Variants in ARSG observed in about 807,000 individuals in gnomAD.
ARSG encodes the protein ASG.
ARSG carries 37 observed loss-of-function variants against 50.5 expected under a neutral mutation model. That is an observed-to-expected ratio of 0.73 (90% CI 0.56 to 0.96). The LOEUF is 0.96. ARSG is among the 50% of genes least tolerant of loss of function. The probability of loss-of-function intolerance (pLI) is 0.00; values close to 1 mark genes in which losing one functional copy is unlikely to be tolerated. For missense variants in ARSG, 629 were observed against 675.3 expected (o/e 0.93, Z 0.76); for synonymous variants, 225 against 254.6 (o/e 0.88, Z 1.11).
At chr17:68,415,381 G>C (rs1417267928) in intron 11 of ARSG, among the ~76,000 whole-genome samples, 2 of 152,176 alleles carry the variant, frequency 1.3e-5, no homozygotes, top group Admixed American at 6.5e-5. Flanking sequence ...TGGTCTGAGA[G>C]AGTGCTTGAT....
At chr17:68,376,690 A>AT (rs139386857) in intron 8 of ARSG, among the ~76,000 whole-genome samples, 3,351 of 151,450 alleles carry the variant, frequency 0.022, 125 homozygotes, top group African/African-American at 0.076. Context: ...ATACTATTCA[A>AT]TTTTTTTTTA....
At chr17:68,292,377 C>A (rs1365295181) in intron 1 of ARSG, among the ~76,000 whole-genome samples, 7 of 152,184 alleles carry the variant, frequency 4.6e-5, no homozygotes, top group African/African-American at 1.7e-4. Flanking sequence ...GTGAACTAAG[C>A]GGATGATGCA....
intron 1 of ARSG, among the ~76,000 whole-genome samples, chr17:68,283,900 C>T (rs1429060869): frequency 3.7e-5 from 4 of 107,002 alleles, no homozygotes; most frequent in Non-Finnish European, 8.3e-5. Context: ...AAAAAAAAGA[C>T]CAGCCTGGCC....
At chr17:68,402,853 A>T (rs546482678) in intron 11 of ARSG, among the ~76,000 whole-genome samples, 1 of 152,098 alleles carries the variant, frequency 6.6e-6, no homozygotes, top group Non-Finnish European at 1.5e-5. Flanking sequence ...AAGCTTTCTA[A>T]ATTTGGAACT....
chr17:68,298,282 T>G (rs2076280912), intron 1 of ARSG, among the ~76,000 whole-genome samples: 1 of 152,016 alleles, frequency 6.6e-6, no homozygotes, highest in South Asian at 2.1e-4. Context: ...GAATCTGTCT[T>G]GGGGTGCTCA....
chr17:68,344,474 GC>G (rs1297537666), intron 3 of ARSG, among the ~76,000 whole-genome samples: 7 of 152,308 alleles, frequency 4.6e-5, no homozygotes, highest in African/African-American at 1.7e-4. Flanking sequence ...ATTTTTTTAG[GC>G]ATCTCTTACT....
upstream of ARSG, among the ~76,000 whole-genome samples, chr17:68,288,030 T>C (rs1555754776): frequency 6.7e-6 from 1 of 149,522 alleles, no homozygotes; most frequent in African/African-American, 2.5e-5. Flanking sequence ...GGAGTCTCAG[T>C]CTGTCTCCCA....
chr17:68,338,011 C>A (rs923124144), intron 2 of ARSG, among the ~76,000 whole-genome samples: 1 of 152,150 alleles, frequency 6.6e-6, no homozygotes. Flanking sequence ...CCGAGGAAAA[C>A]CCCCCAGGCA....
chr17:68,427,343 T>TA, downstream of ARSG: 1 of 962,664 alleles, frequency 1.0e-6, no homozygotes, highest in Non-Finnish European at 1.6e-6. Flanking sequence ...AAGAAGCCTG[T>TA]GCTCAGCTCT....
At chr17:68,275,865 C>G (rs1304254841) in intron 1 of ARSG, among the ~76,000 whole-genome samples, 1 of 151,752 alleles carries the variant, frequency 6.6e-6, no homozygotes, top group East Asian at 2.0e-4. Flanking sequence ...TGCCTGTAAT[C>G]CCAGCTACTC....
At chr17:68,342,780 A>G (rs1463686225) in intron 2 of ARSG, among the ~76,000 whole-genome samples, 2 of 152,156 alleles carry the variant, frequency 1.3e-5, no homozygotes, top group Admixed American at 1.3e-4. Context: ...AACACAAAAC[A>G]CAAAAATGCA....
intron 1 of ARSG, among the ~76,000 whole-genome samples, chr17:68,260,654 A>AT (rs1291684167): frequency 3.1e-4 from 47 of 151,716 alleles, no homozygotes; most frequent in African/African-American, 1.1e-3. Flanking sequence ...TGCCCCGTGT[A>AT]TTTTTTTTAT....
chr17:68,377,370 CT>C (rs1412200449), intron 8 of ARSG, among the ~76,000 whole-genome samples: 1 of 152,252 alleles, frequency 6.6e-6, no homozygotes, highest in Non-Finnish European at 1.5e-5. Context: ...CTATCTTGCT[CT>C]TTGAACCTAG....
At chr17:68,409,966 T>C (rs1477708743) in intron 11 of ARSG, among the ~76,000 whole-genome samples, 1 of 150,542 alleles carries the variant, frequency 6.6e-6, no homozygotes, top group Non-Finnish European at 1.5e-5. Flanking sequence ...TTTTGTACAT[T>C]GATTTTGTAT....
chr17:68,351,463 A>T, intron 4 of ARSG, 112 bp from the exon 5 acceptor site: 1 of 672,646 alleles, frequency 1.5e-6, no homozygotes, highest in South Asian at 1.7e-5. Context: ...TACATACTCT[A>T]TAGCACTGCA....
intron 1 of ARSG, among the ~76,000 whole-genome samples, chr17:68,295,773 G>A (rs1336424504): frequency 2.7e-5 from 4 of 145,976 alleles, no homozygotes; most frequent in African/African-American, 7.6e-5. Context: ...TCTGCCTCCC[G>A]GGTTCAAGCA....
At chr17:68,262,307 T>C (rs1208108181) in intron 1 of ARSG, among the ~76,000 whole-genome samples, 1 of 148,660 alleles carries the variant, frequency 6.7e-6, no homozygotes, top group Non-Finnish European at 1.5e-5. Flanking sequence ...CCGTGTCTAC[T>C]AAAAATACAA....
At chr17:68,352,939 G>A (rs370540406) in intron 5 of ARSG, among the ~76,000 whole-genome samples, 3 of 152,088 alleles carry the variant, frequency 2.0e-5, no homozygotes, top group Admixed American at 6.5e-5. Flanking sequence ...CACAAAACAC[G>A]TGTTCCCTTG....
rs967817653 is a variant in ARSG, at chr17:68,385,108, G to A, written c.1027G>A (p.Val343Ile). 2 of 1,613,954 alleles carry A rather than the reference G, an allele frequency of 1.2e-6. No homozygotes were observed. Among genetic ancestry groups the A allele is most frequent in the African/African-American group, 2.7e-5 (2 of 74,900 alleles). ...KQTTWEGGHR[V>I]PALAYWPGRV... The stretch of plus-strand genomic sequence containing the variant: ...GACGACCTGGGAAGGAGGGCACCGG[G>A]TCCCAGCACTGGCTTACTGGCCTGG... The change falls in exon 9 of 12, where the codon GTC becomes ATC. Residue 343 changes from valine (V) to isoleucine (I), a missense_variant. Physicochemically the swap from Val to Ile is conservative, Grantham distance 29. Coordinates refer to ENST00000621439, the MANE Select transcript of ARSG (RefSeq NM_001267727.2).
Sources: allele counts gnomAD v4.1 joint callset (sites outside exome capture counted in the v4.1 genomes callset), GRCh38; gene constraint gnomAD v4.1.1; transcripts MANE v1.5; gene names NCBI Gene and HGNC (gene_info 2026-07-23, HGNC 2026-07-21).